The following ZC3H12B variants were observed in gnomAD, a reference collection of about 807,000 sequenced individuals.
ZC3H12B encodes probable ribonuclease ZC3H12B.
In ZC3H12B, 7 loss-of-function variants were observed where a neutral mutation model predicts 43.9. The observed-to-expected ratio is 0.16, with a 90% CI of 0.09 to 0.30. The LOEUF is 0.30. ZC3H12B is among the 10% of genes least tolerant of loss of function. ZC3H12B has a pLI of 1.00. For missense variants in ZC3H12B, 475 were observed against 670.2 expected (o/e 0.71, Z 3.22); for synonymous variants, 222 against 241.7 (o/e 0.92, Z 0.76).
chrX:65,478,792 T>G (rs1355986697), intron 3 of ZC3H12B, among the ~76,000 whole-genome samples: 1 of 112,166 alleles, frequency 8.9e-6, no homozygotes, highest in East Asian at 2.8e-4. Flanking sequence ...TAAGGGACTT[T>G]TCAGGTCTTC....
chrX:65,187,562 T>G, the ZC3H12B span, among the ~76,000 whole-genome samples: 1 of 111,304 alleles, frequency 9.0e-6, no homozygotes, highest in Non-Finnish European at 1.9e-5. Context: ...CAGTATTTAG[T>G]CAAGTCTATG....
the ZC3H12B span, chrX:65,357,512 G>T: frequency 4.3e-5 from 5 of 116,350 alleles, no homozygotes; most frequent in Non-Finnish European, 8.8e-5. Context: ...TCAGGGCCTG[G>T]ACAGGGACAA....
intron 1 of ZC3H12B, among the ~76,000 whole-genome samples, chrX:65,492,797 T>C (rs1031259630): frequency 8.9e-6 from 1 of 111,975 alleles, no homozygotes; most frequent in African/African-American, 3.2e-5. Flanking sequence ...TGTTGGATTA[T>C]CCTGCATTAA....
At chrX:65,112,449 C>A in the ZC3H12B span, among the ~76,000 whole-genome samples, 1 of 111,734 alleles carries the variant, frequency 8.9e-6, no homozygotes, top group Non-Finnish European at 1.9e-5. Flanking sequence ...GTTGTTAAAA[C>A]CCTTCTATTG....
the ZC3H12B span, among the ~76,000 whole-genome samples, chrX:65,105,032 A>G: frequency 2.7e-5 from 3 of 111,999 alleles, no homozygotes; most frequent in African/African-American, 9.7e-5. Flanking sequence ...AGACTGGATA[A>G]AGAAAATGTG....
chrX:65,120,758 C>G, the ZC3H12B span, among the ~76,000 whole-genome samples: 1 of 111,398 alleles, frequency 9.0e-6, no homozygotes, highest in Non-Finnish European at 1.9e-5. Context: ...CAGTTTTTGC[C>G]CTTTCAGTAT....
chrX:65,110,548 T>A, the ZC3H12B span, among the ~76,000 whole-genome samples: 3 of 111,216 alleles, frequency 2.7e-5, no homozygotes, highest in African/African-American at 9.8e-5. Context: ...AAAGGCAACT[T>A]GAATTTGCAC....
chrX:65,114,802 C>G, the ZC3H12B span, among the ~76,000 whole-genome samples: 2 of 107,504 alleles, frequency 1.9e-5, no homozygotes, highest in South Asian at 7.9e-4. Context: ...TGTTCTGTTT[C>G]TAGGTTCTTG....
At chrX:65,336,327 C>T in the ZC3H12B span, among the ~76,000 whole-genome samples, 1 of 111,986 alleles carries the variant, frequency 8.9e-6, no homozygotes, top group South Asian at 3.7e-4. Context: ...ACCCAGCCCG[C>T]TACACCATTG....
At chrX:65,119,359 G>C in the ZC3H12B span, among the ~76,000 whole-genome samples, 1 of 111,729 alleles carries the variant, frequency 9.0e-6, no homozygotes, top group Non-Finnish European at 1.9e-5. Context: ...TTGTGAGATG[G>C]TATCTCATTG....
At chrX:65,189,153 T>C in the ZC3H12B span, among the ~76,000 whole-genome samples, 2 of 105,586 alleles carry the variant, frequency 1.9e-5, no homozygotes, top group East Asian at 3.0e-4. Context: ...TGCATAGTAT[T>C]CCATGGTGTA....
chrX:65,185,196 A>C, the ZC3H12B span: 337 of 111,785 alleles, frequency 3.0e-3, 1 homozygote, highest in African/African-American at 0.01. Context: ...ACGGTATACA[A>C]TCTGTTCACC....
the ZC3H12B span, among the ~76,000 whole-genome samples, chrX:65,102,643 C>A: frequency 1.8e-5 from 2 of 111,621 alleles, no homozygotes; most frequent in African/African-American, 6.5e-5. Context: ...ACAATTGCTA[C>A]AAAGAGAGTA....
At chrX:65,159,712 G>A in the ZC3H12B span, among the ~76,000 whole-genome samples, 3 of 111,623 alleles carry the variant, frequency 2.7e-5, no homozygotes, top group Non-Finnish European at 3.8e-5. Context: ...CTGCAAAAAG[G>A]GACAATTTGA....
chrX:65,041,994 C>T, the ZC3H12B span, among the ~76,000 whole-genome samples: 596 of 111,810 alleles, frequency 5.3e-3, 3 homozygotes, highest in Non-Finnish European at 7.9e-3. Context: ...AGCACAACTA[C>T]ACCTAATACT....
chrX:65,149,187 G>T, the ZC3H12B span, among the ~76,000 whole-genome samples: 1 of 111,151 alleles, frequency 9.0e-6, no homozygotes, highest in Non-Finnish European at 1.9e-5. Context: ...TGCATCAAGT[G>T]TTCCCTATGA....
chrX:65,325,465 G>T, the ZC3H12B span, among the ~76,000 whole-genome samples: 1 of 110,780 alleles, frequency 9.0e-6, no homozygotes, highest in Admixed American at 9.6e-5. Flanking sequence ...TGAACTATCT[G>T]AAAAATAAAT....
chrX:65,087,275 CG>C, the ZC3H12B span, among the ~76,000 whole-genome samples: 1 of 111,422 alleles, frequency 9.0e-6, no homozygotes, highest in Non-Finnish European at 1.9e-5. Flanking sequence ...CACCCTCTAC[CG>C]TGGACATCTT....
the ZC3H12B span, among the ~76,000 whole-genome samples, chrX:65,240,345 C>A: frequency 1.3e-4 from 15 of 111,517 alleles, no homozygotes; most frequent in African/African-American, 4.9e-4. Flanking sequence ...AGATTATTTT[C>A]TTTGCTTGGT....
Sources: allele counts gnomAD v4.1 joint callset (sites outside exome capture counted in the v4.1 genomes callset), GRCh38; gene constraint gnomAD v4.1.1; transcripts MANE v1.5; gene names NCBI Gene and HGNC (gene_info 2026-07-23, HGNC 2026-07-21).